CPNE7: variants seen among roughly 807,000 people sequenced by gnomAD.
CPNE7 encodes copine 7.
Under a neutral mutation model 66.5 loss-of-function variants are expected in CPNE7, and 78 were observed. That is an observed-to-expected ratio of 1.17 (90% CI 0.98 to 1.42). The LOEUF is 1.42. CPNE7 is among the 40% of genes most tolerant of loss of function. CPNE7 has a pLI of 0.00. For missense variants in CPNE7, 1,012 were observed against 776.6 expected (o/e 1.30, Z -3.60); for synonymous variants, 468 against 336.7 (o/e 1.39, Z -4.27).
intron 14 of CPNE7, among the ~76,000 whole-genome samples, chr16:89,596,222 G>C (rs1257799290): frequency 6.6e-6 from 1 of 151,960 alleles, no homozygotes; most frequent in Non-Finnish European, 1.5e-5. Flanking sequence ...AAGTGTGGGT[G>C]GGGCCTGGAC....
At position 89,595,413 on chromosome 16, in the gene CPNE7, T is replaced by C. The variant is rs372014815; in HGVS notation, c.1349T>C (p.Met450Thr). ...LILTDGVVTD[M>T]ADTREAIVRA... ...CTGACGGACGGCGTGGTGACCGACA[T>C]GGCCGACACACGGGAGGCCATTGTG... is the stretch of plus-strand genomic sequence containing the variant. The change falls in exon 14 of 15, where the codon ATG becomes ACG. Residue 450 changes from methionine to threonine, a missense_variant. Met to Thr is a moderately conservative substitution (Grantham distance 81). Transcript: ENST00000319518. 10 of 1,600,210 alleles carry C rather than the reference T, an allele frequency of 6.2e-6. No homozygotes were observed. The highest frequency in any genetic ancestry group is 1.1e-5 in the South Asian group (1 of 90,402).
chr16:89,580,955 C>T (rs1250309619), intron 2 of CPNE7, among the ~76,000 whole-genome samples: 12 of 146,636 alleles, frequency 8.2e-5, no homozygotes, highest in South Asian at 2.2e-4. Flanking sequence ...TCCCGTCACC[C>T]GCTGACATGG....
intron 3 of CPNE7, 111 bp from the exon 4 acceptor site, chr16:89,583,917 C>A (rs1337209414): frequency 1.4e-6 from 2 of 1,463,342 alleles, no homozygotes; most frequent in Admixed American, 2.0e-5. Flanking sequence ...TACACAGACA[C>A]CTCCTCTCAG....
At position 89,584,803 on chromosome 16, in the gene CPNE7, G is replaced by C; in HGVS notation, c.537G>C (p.Leu179=). Residue 179 remains leucine (L), a synonymous_variant, in exon 5 of 15, where the codon CTG becomes CTC. Coordinates refer to ENST00000319518, the MANE Select transcript of CPNE7 (RefSeq NM_153636.3). This position sits in a 1 kb window ranked among gnomAD's most constrained non-coding sequence, Gnocchi z 6.0. Reference sequence around the variant, plus strand: ...TCTTCAGCAAGTCCGACCCCTTCCTGGAGCTCTACAGGGTCAACGACGACC... The same window carrying C: ...TCTTCAGCAAGTCCGACCCCTTCCTCGAGCTCTACAGGGTCAACGACGACC... The part of the protein sequence containing the change: ...KDLFSKSDPF[L]ELYRVNDDQG... The C allele has an allele frequency of 6.2e-7, 1 of 1,613,662 alleles. No individual in the cohort carries two copies. The highest frequency in any genetic ancestry group is 8.5e-7 in the Non-Finnish European group (1 of 1,179,948).
intron 1 of CPNE7, 134 bp downstream of exon 1, chr16:89,576,205 C>G: frequency 4.6e-6 from 3 of 647,112 alleles, no homozygotes; most frequent in East Asian, 3.8e-5. Context: ...GGGCTCAGCT[C>G]GGGGTCAGGG....
At chr16:89,588,871 C>A in intron 10 of CPNE7, 63 bp downstream of exon 10, 1 of 1,589,652 alleles carries the variant, frequency 6.3e-7, no homozygotes, top group Non-Finnish European at 8.6e-7. Context: ...GTGCGCCTGG[C>A]CGTCTTCCCC....
chr16:89,594,778 A>G (rs1227863907), intron 13 of CPNE7, among the ~76,000 whole-genome samples: 1 of 149,666 alleles, frequency 6.7e-6, no homozygotes, highest in African/African-American at 2.5e-5. Context: ...CAGCCTCCCG[A>G]ATAGCTGGGA....
chr16:89,580,301 C>T (rs1294143130), intron 2 of CPNE7, among the ~76,000 whole-genome samples: 3 of 138,160 alleles, frequency 2.2e-5, no homozygotes, highest in Non-Finnish European at 3.1e-5. Context: ...CGGAACATCC[C>T]GTCACCCGCT....
intron 9 of CPNE7, among the ~76,000 whole-genome samples, chr16:89,588,310 C>T (rs1233933248): frequency 6.6e-6 from 1 of 152,228 alleles, no homozygotes; most frequent in Non-Finnish European, 1.5e-5. Context: ...TTGGGAGAAG[C>T]CAGCAAGTGG....
intron 8 of CPNE7, 48 bp downstream of exon 8, chr16:89,586,804 C>T: frequency 3.4e-6 from 5 of 1,490,176 alleles, no homozygotes; most frequent in Non-Finnish European, 4.7e-6. Flanking sequence ...AGAGGGGCTT[C>T]CGCTGCCTCC....
chr16:89,576,346 C>T (rs1483500944), intron 1 of CPNE7, among the ~76,000 whole-genome samples: 3 of 148,140 alleles, frequency 2.0e-5, no homozygotes, highest in Non-Finnish European at 4.5e-5. Flanking sequence ...GCCCAGGGTT[C>T]GGGGAGGGGG....
Position 89,591,172 on chromosome 16 carries a change from T to C in CPNE7, c.1214T>C (p.Val405Ala). 1 of 1,606,132 alleles carries C rather than the reference T, an allele frequency of 6.2e-7. No homozygotes were observed. The highest frequency in any genetic ancestry group is 8.5e-7 in the Non-Finnish European group (1 of 1,176,648). The change falls in exon 13 of 15, where the codon GTC (valine) becomes GCC (alanine). Residue 405 changes from valine to alanine, a missense_variant. Physicochemically the swap from Val to Ala is moderately conservative, Grantham distance 64. Transcript: ENST00000319518. ...VEAYQNCLPR[V>A]QLYGPTNVAP... ...GCCTACCAGAACTGCCTGCCCAGGG[T>C]CCAGCTCTACGGCCCCACCAACGTG...
Position 89,595,405 on chromosome 16 carries a change from G to A in CPNE7, c.1341G>A (p.Val447=). 1.3e-6 allele frequency: 2 copies of A among 1,597,396 alleles called. No homozygotes were observed. The highest frequency in any genetic ancestry group is 1.7e-6 in the Non-Finnish European group (2 of 1,168,734). Residue 447 remains valine, a synonymous_variant, in exon 14 of 15, where the codon GTG becomes GTA. Transcript: ENST00000319518. ...TGCTGATCCTGACGGACGGCGTGGT[G>A]ACCGACATGGCCGACACACGGGAGG... The part of the protein sequence containing the change: ...YILLILTDGV[V]TDMADTREAI...
rs1195372338 is a variant in CPNE7 at position 89,589,752 on chromosome 16, C to G, written c.1062-145C>G. The G allele has an allele frequency of 2.3e-5, 19 of 813,264 alleles. No individual in the cohort carries two copies. In the East Asian group the frequency reaches 4.5e-4, roughly 19 times the overall value. The allele number at this position is 813,264 out of a possible 1,614,324, so 50.4% of individuals were successfully genotyped here. On this transcript the variant is annotated intron_variant, in intron 10 of 14. Coordinates refer to ENST00000319518, the MANE Select transcript of CPNE7 (RefSeq NM_153636.3). ...CCTCTGCTGCCCTGAGCCTCGGTTCCCCACCTCTGGCAGGTGCTTACTGCC... is the reference window on the plus strand; with the variant it reads ...CCTCTGCTGCCCTGAGCCTCGGTTCGCCACCTCTGGCAGGTGCTTACTGCC...
In CPNE7 at chr16:89,584,010, C is replaced by G. The variant is rs146394111; in HGVS notation, c.433-18C>G. ...GCCCCACCTGGCCAAGCCTGGAGCC[C>G]GGGCGTCCCCCTGCCAGGTGATCGC... On this transcript the variant is annotated intron_variant, in intron 3 of 14. Coordinates refer to ENST00000319518, the MANE Select transcript of CPNE7 (RefSeq NM_153636.3). This position sits in a 1 kb window ranked among gnomAD's most constrained non-coding sequence, Gnocchi z 6.0. 6.2e-7 allele frequency: 1 copy of G among 1,611,316 alleles called. No individual in the cohort carries two copies. The highest frequency in any genetic ancestry group is 8.5e-7 in the Non-Finnish European group (1 of 1,179,310).
At chr16:89,582,115 A>T (rs908446395) in intron 2 of CPNE7, among the ~76,000 whole-genome samples, 2 of 152,234 alleles carry the variant, frequency 1.3e-5, no homozygotes, top group African/African-American at 4.8e-5. Flanking sequence ...TCCAGCAATG[A>T]GGAGGCCCCT....
Position 89,580,147 on chromosome 16 carries a change from G to A in CPNE7, c.357+2426G>A, listed in dbSNP as rs75565506. Among the ~76,000 whole-genome samples, 20 of 32,708 alleles carry A rather than the reference G, an allele frequency of 6.1e-4. 1 individual carries two copies. The highest frequency in any genetic ancestry group is 6.6e-4 in the Non-Finnish European group (8 of 12,176). The allele number at this position is 32,708 out of a possible 152,430, so 21.5% of individuals were successfully genotyped here. A position where few individuals can be genotyped will look rare whatever the true frequency, so the allele number is the denominator to read the frequency against. On this transcript the variant is annotated intron_variant, in intron 2 of 14. Coordinates refer to ENST00000319518, the MANE Select transcript of CPNE7 (RefSeq NM_153636.3). ...CCCGCTGACACAGAACATCTCACCC[G>A]TCACACGGAACATCCCGTCACCCGC... is the stretch of plus-strand genomic sequence containing the variant.
In CPNE7 at chr16:89,591,159, T is replaced by G; in HGVS notation, c.1201T>G (p.Cys401Gly). The change falls in exon 13 of 15, where the codon TGC becomes GGC. Residue 401 changes from cysteine (C) to glycine (G), a missense_variant. By Grantham distance (159) the Cys-to-Gly change is radical. Transcript: ENST00000319518. ...IQGVVEAYQNCLPRVQLYGPT... is the reference protein window; with the variant it reads ...IQGVVEAYQNGLPRVQLYGPT... ...GGGCGTGGTGGAGGCCTACCAGAAC[T>G]GCCTGCCCAGGGTCCAGCTCTACGG... is the stretch of plus-strand genomic sequence containing the variant. 1 of 1,609,294 alleles carries G rather than the reference T, an allele frequency of 6.2e-7. No individual in the cohort carries two copies.
intron 5 of CPNE7, among the ~76,000 whole-genome samples, chr16:89,585,150 G>A (rs2059015075): frequency 1.3e-5 from 2 of 152,226 alleles, no homozygotes; most frequent in South Asian, 4.1e-4. Flanking sequence ...GGGAGAGAGT[G>A]CTTTCTTTTG....
Sources: allele counts gnomAD v4.1 joint callset (sites outside exome capture counted in the v4.1 genomes callset), GRCh38; gene constraint gnomAD v4.1.1; non-coding constraint Gnocchi (gnomAD v3.1); transcripts MANE v1.5; gene names NCBI Gene and HGNC (gene_info 2026-07-23, HGNC 2026-07-21).